ADD1: variants seen among roughly 807,000 people sequenced by gnomAD.
The protein encoded by ADD1 is alpha-adducin.
ADD1 carries 24 observed loss-of-function variants against 80.5 expected under a neutral mutation model. The ratio of observed to expected loss-of-function variants is 0.30; its 90% CI spans 0.22 to 0.42. ADD1 has a LOEUF of 0.42. Among genes scored for constraint, ADD1 ranks in the 10% least tolerant of loss-of-function variants. The pLI, the probability that ADD1 is intolerant of heterozygous loss-of-function variation, is 1.00. For missense variants in ADD1, 948 were observed against 1,019.0 expected (o/e 0.93, Z 0.95); for synonymous variants, 373 against 393.8 (o/e 0.95, Z 0.63).
At chr4:2,889,728 A>G (rs182685753) in intron 4 of ADD1, among the ~76,000 whole-genome samples, 2 of 152,332 alleles carry the variant, frequency 1.3e-5, no homozygotes, top group African/African-American at 2.4e-5. Context: ...AGGCTGAGAC[A>G]GGAGAATTGC....
At chr4:2,899,837 G>T in intron 9 of ADD1, 1 of 333,974 alleles carries the variant, frequency 3.0e-6, no homozygotes, top group Non-Finnish European at 5.8e-6. Flanking sequence ...GGGGCCTGAT[G>T]ACTGTGTTCC....
chr4:2,880,232 T>A (rs986232665), intron 2 of ADD1, among the ~76,000 whole-genome samples: 3 of 152,108 alleles, frequency 2.0e-5, no homozygotes, highest in African/African-American at 7.2e-5. Context: ...CTCAGAGGGC[T>A]CTTGACAGAC....
At chr4:2,924,653 T>TA (rs1740669269) in intron 14 of ADD1, among the ~76,000 whole-genome samples, 1 of 152,234 alleles carries the variant, frequency 6.6e-6, no homozygotes, top group South Asian at 2.1e-4. Flanking sequence ...GCCACTGCAT[T>TA]ACGTAGTTGT....
intron 12 of ADD1, 104 bp downstream of exon 12, chr4:2,908,708 C>A: frequency 2.1e-6 from 2 of 952,416 alleles, no homozygotes; most frequent in South Asian, 1.4e-5. Flanking sequence ...GGTAAGTATT[C>A]TAGGCAACCA....
intron 1 of ADD1, among the ~76,000 whole-genome samples, chr4:2,846,089 G>A (rs1046284604): frequency 6.6e-6 from 1 of 151,934 alleles, no homozygotes; most frequent in African/African-American, 2.4e-5. Context: ...CACTATCACA[G>A]AAAATGAATA....
intron 4 of ADD1, among the ~76,000 whole-genome samples, chr4:2,885,802 G>C (rs893998516): frequency 6.6e-6 from 1 of 151,862 alleles, no homozygotes; most frequent in Middle Eastern, 3.2e-3. Context: ...AGTAGAGACG[G>C]GGTTTCACCG....
chr4:2,885,386 C>T (rs1249879779), intron 4 of ADD1, among the ~76,000 whole-genome samples: 1 of 152,146 alleles, frequency 6.6e-6, no homozygotes, highest in East Asian at 1.9e-4. Flanking sequence ...GCCTGGCAAC[C>T]ATAACTCATC....
At chr4:2,910,784 C>T (rs1031027613) in intron 13 of ADD1, among the ~76,000 whole-genome samples, 2 of 152,164 alleles carry the variant, frequency 1.3e-5, no homozygotes, top group Non-Finnish European at 2.9e-5. Flanking sequence ...GGGTCCGTAC[C>T]TTCTGAACAC....
rs1336395810 is a variant in ADD1 at position 2,926,352 on chromosome 4, T to C, written c.2047+240T>C. The C allele has an allele frequency of 1.1e-5, 8 of 700,566 alleles. No homozygotes were observed. The highest frequency in any genetic ancestry group is 1.8e-5 in the Non-Finnish European group (7 of 385,132). The allele number at this position is 700,566 out of a possible 1,614,324, so 43.4% of individuals were successfully genotyped here. ...CGGCCTCGGGGGTCGGAACCCACCA[T>C]GGTTGCTGGTGTCCACGTTGCCCAT... On this transcript the variant is annotated intron_variant, in intron 15 of 15. Coordinates refer to ENST00000683351, the MANE Select transcript of ADD1 (RefSeq NM_001354761.2). The surrounding 1 kb of genome is among the most constrained non-coding windows in gnomAD (Gnocchi z 5.0).
chr4:2,884,965 G>T (rs180940335), intron 4 of ADD1, among the ~76,000 whole-genome samples: 1 of 152,302 alleles, frequency 6.6e-6, no homozygotes, highest in East Asian at 1.9e-4. Flanking sequence ...ACCTAAGAAT[G>T]ATGATGTTTT....
intron 13 of ADD1, among the ~76,000 whole-genome samples, chr4:2,911,891 A>C (rs1207839013): frequency 6.6e-6 from 1 of 152,214 alleles, no homozygotes; most frequent in African/African-American, 2.4e-5. Context: ...GCACCTCACC[A>C]GGGGCTGTGT....
intron 4 of ADD1, among the ~76,000 whole-genome samples, chr4:2,885,573 A>T (rs995128703): frequency 1.3e-5 from 2 of 151,886 alleles, no homozygotes; most frequent in African/African-American, 4.8e-5. Context: ...GCCTGTGGCC[A>T]GACTTTGCTC....
intron 1 of ADD1, among the ~76,000 whole-genome samples, chr4:2,874,497 C>T (rs1399956284): frequency 1.3e-5 from 2 of 151,134 alleles, no homozygotes; most frequent in Non-Finnish European, 3.0e-5. Flanking sequence ...ATCAAAGCTA[C>T]TCGGGAGGCT....
rs138206438 is a variant in ADD1, at chr4:2,853,400, G to A, written c.-21+9376G>A. 1.3e-3 allele frequency among the ~76,000 whole-genome samples: 197 copies of A among 151,872 alleles called. 2 individuals carry two copies. Among genetic ancestry groups the A allele is most frequent in the Non-Finnish European group, 1.8e-3 (121 of 67,930 alleles). ...GGGATTACAGGTGTGAGCCACCGGC[G>A]TCTTTTTCTAGTATAAGTGTTTAAG... On this transcript the variant is annotated intron_variant, in intron 1 of 15. Transcript: ENST00000683351.
intron 14 of ADD1, among the ~76,000 whole-genome samples, chr4:2,918,719 A>G (rs990215095): frequency 1.3e-5 from 2 of 152,148 alleles, no homozygotes; most frequent in Admixed American, 6.5e-5. Flanking sequence ...AGTTTTTAGC[A>G]TGAAGGGGTG....
intron 4 of ADD1, among the ~76,000 whole-genome samples, chr4:2,886,452 A>G (rs1733384585): frequency 6.6e-6 from 1 of 152,146 alleles, no homozygotes. Flanking sequence ...AAGCCTTACC[A>G]TGTCATGCTC....
Position 2,926,688 on chromosome 4 carries a change from C to T in ADD1, c.2047+576C>T, listed in dbSNP as rs771410075. 1 of 1,612,936 alleles carries T rather than the reference C, an allele frequency of 6.2e-7. No homozygotes were observed. On this transcript the variant is annotated intron_variant, in intron 15 of 15. Coordinates refer to ENST00000683351, the MANE Select transcript of ADD1 (RefSeq NM_001354761.2). This position sits in a 1 kb window ranked among gnomAD's most constrained non-coding sequence, Gnocchi z 5.0. ...ACCTGTTACCCTAGTAAGTACCGTG[C>T]TGCCTCCGCTCTCCACCGGTGCCCT...
intron 4 of ADD1, among the ~76,000 whole-genome samples, chr4:2,889,142 C>T (rs1733888164): frequency 6.6e-6 from 1 of 152,192 alleles, no homozygotes. Context: ...ATATAGTGTC[C>T]TTTGGGCAAA....
At chr4:2,858,722 C>T (rs1268841) in intron 1 of ADD1, among the ~76,000 whole-genome samples, 2,331 of 152,288 alleles carry the variant, frequency 0.015, 54 homozygotes, top group African/African-American at 0.048. Flanking sequence ...GGCAGTGGCT[C>T]ATGCCTGTAT....
Sources: gnomAD v4.1 joint callset for allele counts (sites outside exome capture counted in the v4.1 genomes callset) on GRCh38, gnomAD v4.1.1 for gene constraint, Gnocchi (gnomAD v3.1) non-coding constraint, MANE v1.5 for transcripts, NCBI Gene and HGNC (gene_info 2026-07-23, HGNC 2026-07-21) for gene names.